The following ENOX1 variants were observed in gnomAD, a reference collection of about 807,000 sequenced individuals.
The protein encoded by ENOX1 is ecto-NOX disulfide-thiol exchanger 1.
ENOX1 carries 42 observed loss-of-function variants against 82.5 expected under a neutral mutation model. That is an observed-to-expected ratio of 0.51 (90% confidence interval 0.40 to 0.66). The LOEUF is 0.66. Among genes scored for constraint, ENOX1 ranks in the 30% least tolerant of loss-of-function variants. ENOX1 has a pLI of 0.00. For synonymous variants in ENOX1, 271 were observed against 282.2 expected (o/e 0.96, Z 0.40); for missense variants, 608 against 811.6 (o/e 0.75, Z 3.05).
At chr13:43,314,772 T>A (rs1372379165) in intron 11 of ENOX1, among the ~76,000 whole-genome samples, 17 of 152,214 alleles carry the variant, frequency 1.1e-4, no homozygotes, top group African/African-American at 4.1e-4. Flanking sequence ...CTGGCCTACA[T>A]ATATATAGCT....
chr13:43,525,371 T>C (rs1040120699), intron 2 of ENOX1, among the ~76,000 whole-genome samples: 3 of 152,162 alleles, frequency 2.0e-5, no homozygotes, highest in Non-Finnish European at 4.4e-5. Flanking sequence ...CTACAAATCA[T>C]TATATGCAAA....
intron 9 of ENOX1, among the ~76,000 whole-genome samples, chr13:43,333,352 A>G (rs1475298704): frequency 6.6e-6 from 1 of 152,216 alleles, no homozygotes; most frequent in African/African-American, 2.4e-5. Context: ...CTGATAGATG[A>G]CAGAAGGCAT....
chr13:43,478,607 A>G (rs2058386872), intron 3 of ENOX1, among the ~76,000 whole-genome samples: 1 of 152,202 alleles, frequency 6.6e-6, no homozygotes, highest in South Asian at 2.1e-4. Flanking sequence ...TAGATGATAC[A>G]TCTTATCATG....
At chr13:43,765,776 C>A (rs1951225607) in intron 1 of ENOX1, among the ~76,000 whole-genome samples, 2 of 152,108 alleles carry the variant, frequency 1.3e-5, no homozygotes, top group Non-Finnish European at 2.9e-5. Flanking sequence ...TTACCCAGTT[C>A]GTTCAGAAAT....
intron 3 of ENOX1, among the ~76,000 whole-genome samples, chr13:43,435,181 T>C (rs1239196435): frequency 6.6e-6 from 1 of 152,038 alleles, no homozygotes; most frequent in African/African-American, 2.4e-5. Flanking sequence ...GGCCACGCAA[T>C]GGAGTATGCC....
At chr13:43,487,829 A>G (rs905715790) in intron 2 of ENOX1, among the ~76,000 whole-genome samples, 1 of 152,224 alleles carries the variant, frequency 6.6e-6, no homozygotes. Context: ...GATGGTGGCT[A>G]TAATTCCCTA....
intron 3 of ENOX1, among the ~76,000 whole-genome samples, chr13:43,455,665 T>C (rs2057192389): frequency 6.6e-6 from 1 of 152,152 alleles, no homozygotes; most frequent in African/African-American, 2.4e-5. Context: ...CATCCAAAAC[T>C]CATCTTAAAT....
chr13:43,619,507 A>T (rs1425993671), intron 2 of ENOX1, among the ~76,000 whole-genome samples: 1 of 152,040 alleles, frequency 6.6e-6, no homozygotes, highest in Non-Finnish European at 1.5e-5. Flanking sequence ...TATTTAAATG[A>T]TCATGTAATT....
intron 2 of ENOX1, among the ~76,000 whole-genome samples, chr13:43,590,460 A>G (rs1414655974): frequency 6.6e-6 from 1 of 152,160 alleles, no homozygotes; most frequent in Non-Finnish European, 1.5e-5. Flanking sequence ...CATAAAACCC[A>G]AAAGGATGTT....
At chr13:43,319,701 A>G (rs1200908026) in intron 11 of ENOX1, among the ~76,000 whole-genome samples, 1 of 152,204 alleles carries the variant, frequency 6.6e-6, no homozygotes, top group Non-Finnish European at 1.5e-5. Context: ...CAGGCAGGTG[A>G]CAACTGAAGG....
At chr13:43,278,097 T>C (rs1397591088) in intron 12 of ENOX1, among the ~76,000 whole-genome samples, 2 of 152,218 alleles carry the variant, frequency 1.3e-5, no homozygotes, top group Admixed American at 6.5e-5. Context: ...AGCAAAATCA[T>C]TGATAAAACT....
chr13:43,555,048 GTCTA>G (rs1184670180), intron 2 of ENOX1, among the ~76,000 whole-genome samples: 6 of 152,140 alleles, frequency 3.9e-5, no homozygotes, highest in Non-Finnish European at 7.3e-5. Context: ...TTCTTATCCT[GTCTA>G]TCTAAGAGCT....
chr13:43,738,171 T>C (rs541692008), intron 1 of ENOX1, among the ~76,000 whole-genome samples: 109 of 152,316 alleles, frequency 7.2e-4, no homozygotes, highest in Non-Finnish European at 1.2e-3. Context: ...AAAGCCCTTT[T>C]ACCCAAGCTT....
chr13:43,464,359 T>C (rs2057625293), intron 3 of ENOX1, among the ~76,000 whole-genome samples: 1 of 151,980 alleles, frequency 6.6e-6, no homozygotes, highest in East Asian at 1.9e-4. Flanking sequence ...CCAGAAGATA[T>C]GTTGAGGAGC....
intron 2 of ENOX1, among the ~76,000 whole-genome samples, chr13:43,491,665 G>T (rs760607081): frequency 3.0e-4 from 46 of 152,126 alleles, no homozygotes; most frequent in Non-Finnish European, 6.0e-4. Flanking sequence ...TACTTGAGAG[G>T]CGGAGGCAGG....
At chr13:43,407,529 A>G (rs889986051) in intron 5 of ENOX1, among the ~76,000 whole-genome samples, 19 of 152,282 alleles carry the variant, frequency 1.2e-4, no homozygotes, top group Admixed American at 1.0e-3. Context: ...CTATCAACCC[A>G]TCATCTAGGT....
rs747071138 is a variant in ENOX1, at chr13:43,361,270, G to A, written c.382+9C>T. 17 of 1,609,842 alleles carry A rather than the reference G, an allele frequency of 1.1e-5. No homozygotes were observed. Among genetic ancestry groups the A allele is most frequent in the African/African-American group, 5.4e-5 (4 of 74,656 alleles). On this transcript the variant is annotated intron_variant, in intron 6 of 16. Transcript: ENST00000690772. The stretch of plus-strand genomic sequence containing the variant: ...AAATGAGCAAATATTTCTCATAGGC[G>A]TTACTTACTTGGATTTTGAGGAAAA...
intron 5 of ENOX1, among the ~76,000 whole-genome samples, chr13:43,393,490 A>G (rs2052930036): frequency 6.6e-6 from 1 of 152,194 alleles, no homozygotes; most frequent in Non-Finnish European, 1.5e-5. Flanking sequence ...AAACACAAAG[A>G]TGAATAAAAT....
At chr13:43,665,087 C>T (rs547416217) in intron 2 of ENOX1, among the ~76,000 whole-genome samples, 41 of 152,312 alleles carry the variant, frequency 2.7e-4, no homozygotes, top group African/African-American at 9.9e-4. Flanking sequence ...CACTGGTCTG[C>T]CTGCTTACAG....
Sources: gnomAD v4.1 joint callset for allele counts (sites outside exome capture counted in the v4.1 genomes callset) on GRCh38, gnomAD v4.1.1 for gene constraint, MANE v1.5 for transcripts, NCBI Gene and HGNC (gene_info 2026-07-23, HGNC 2026-07-21) for gene names.